Variants in CCDC141 observed in about 807,000 individuals in gnomAD.
The protein encoded by CCDC141 is coiled-coil domain-containing protein 141.
In CCDC141, 168 loss-of-function variants were observed where a neutral mutation model predicts 181.0. The observed-to-expected ratio is 0.93, with a 90% CI of 0.82 to 1.05. CCDC141 has a LOEUF of 1.05. Among genes scored for constraint, CCDC141 ranks in the 50% least tolerant of loss-of-function variants. The probability of loss-of-function intolerance (pLI) is 0.00; values close to 1 mark genes in which losing one functional copy is unlikely to be tolerated. For missense variants in CCDC141, 1,902 were observed against 1,788.5 expected (o/e 1.06, Z -1.14); for synonymous variants, 666 against 642.3 (o/e 1.04, Z -0.56).
chr2:178,903,410 T>C (rs1356365369), intron 8 of CCDC141, among the ~76,000 whole-genome samples: 10 of 152,044 alleles, frequency 6.6e-5, no homozygotes, highest in Admixed American at 6.6e-4. Flanking sequence ...ATATACACCA[T>C]GGAATACTAT....
At chr2:179,003,769 T>A (rs75766230) in intron 2 of CCDC141, among the ~76,000 whole-genome samples, 2,720 of 152,296 alleles carry the variant, frequency 0.018, 32 homozygotes, top group Admixed American at 0.035. Context: ...TCAGAAATGA[T>A]GAAAGTTCAA....
intron 21 of CCDC141, among the ~76,000 whole-genome samples, chr2:178,847,458 G>T (rs563698405): frequency 6.6e-6 from 1 of 152,148 alleles, no homozygotes; most frequent in Non-Finnish European, 1.5e-5. Flanking sequence ...TTGAGCCTGG[G>T]AAGTCGAGGC....
At chr2:179,040,094 A>G (rs2043254651) in intron 2 of CCDC141, among the ~76,000 whole-genome samples, 1 of 152,196 alleles carries the variant, frequency 6.6e-6, no homozygotes. Context: ...GGTTATGGCT[A>G]GAGGTCCAGA....
intron 2 of CCDC141, among the ~76,000 whole-genome samples, chr2:179,015,934 CAT>C (rs940855093): frequency 2.1e-5 from 3 of 139,714 alleles, no homozygotes; most frequent in Non-Finnish European, 4.7e-5. Context: ...CATATAATTT[CAT>C]ATATATCATA....
intron 2 of CCDC141, among the ~76,000 whole-genome samples, chr2:179,028,507 T>G (rs895734465): frequency 5.9e-5 from 9 of 152,208 alleles, no homozygotes; most frequent in African/African-American, 1.9e-4. Context: ...GAAACTATTT[T>G]AGCAAATTAT....
rs1297269963 is a variant in CCDC141 at position 178,884,887 on chromosome 2, A to C, written c.1719+14T>G. ...GGCCACCTTGCTGAAGAAGGTTAAC[A>C]CATAGTACCATACCTCCTCTGATGA... On this transcript the variant is annotated intron_variant, in intron 11 of 23. Transcript: ENST00000443758. The C allele has an allele frequency of 6.5e-7, 1 of 1,547,466 alleles. No homozygotes were observed. Among genetic ancestry groups the C allele is most frequent in the East Asian group, 2.4e-5 (1 of 40,866 alleles).
chr2:178,919,020 A>C, intron 6 of CCDC141, 113 bp from the exon 7 acceptor site: 1 of 975,234 alleles, frequency 1.0e-6, no homozygotes, highest in Non-Finnish European at 1.5e-6. Flanking sequence ...TGATATTAGG[A>C]AGTAGGGCTT....
At chr2:178,988,019 C>T (rs1490522720) in intron 2 of CCDC141, among the ~76,000 whole-genome samples, 4 of 151,586 alleles carry the variant, frequency 2.6e-5, no homozygotes, top group Admixed American at 2.0e-4. Flanking sequence ...CACATGCACA[C>T]GTATGTTTAC....
chr2:178,855,050 T>A (rs1443868013), intron 19 of CCDC141, among the ~76,000 whole-genome samples: 2 of 152,212 alleles, frequency 1.3e-5, no homozygotes, highest in Non-Finnish European at 2.9e-5. Flanking sequence ...TCATGATAAT[T>A]AAACATCTTC....
At chr2:178,855,190 C>T (rs1685329318) in intron 19 of CCDC141, among the ~76,000 whole-genome samples, 157 bp downstream of exon 19, 1 of 152,060 alleles carries the variant, frequency 6.6e-6, no homozygotes. Context: ...TCCAGCAATT[C>T]TATTTCAGAG....
chr2:178,908,141 G>A (rs895525600), intron 7 of CCDC141, among the ~76,000 whole-genome samples: 1 of 152,098 alleles, frequency 6.6e-6, no homozygotes, highest in Non-Finnish European at 1.5e-5. Context: ...TTTAAAATTT[G>A]TATTACTTAT....
At chr2:178,917,720 G>A (rs1426058704) in intron 7 of CCDC141, among the ~76,000 whole-genome samples, 1 of 152,226 alleles carries the variant, frequency 6.6e-6, no homozygotes, top group African/African-American at 2.4e-5. Flanking sequence ...CTCAAGTGAT[G>A]TGAACAGGTG....
intron 5 of CCDC141, among the ~76,000 whole-genome samples, chr2:178,950,617 T>G (rs1372770176): frequency 6.6e-6 from 1 of 152,184 alleles, no homozygotes; most frequent in Non-Finnish European, 1.5e-5. Flanking sequence ...ATTGGCCTGT[T>G]ATTATTTGGA....
chr2:178,936,631 G>T (rs1233190567), intron 6 of CCDC141, among the ~76,000 whole-genome samples: 1 of 152,110 alleles, frequency 6.6e-6, no homozygotes, highest in Non-Finnish European at 1.5e-5. Context: ...GGTCTGTGAA[G>T]AATGTCATTG....
chr2:178,836,876 T>G lies in CCDC141; in HGVS notation c.4325+18A>C, dbSNP rs765507614. On this transcript the variant is annotated intron_variant, in intron 23 of 23. Coordinates refer to ENST00000443758, the MANE Select transcript of CCDC141 (RefSeq NM_173648.4). ...TGAATTTGTTTCCATTTATGGCTTG[T>G]CATTATAGGCTACCCACCATGTCAG... is the stretch of plus-strand genomic sequence containing the variant. 1 of 1,583,842 alleles carries G rather than the reference T, an allele frequency of 6.3e-7. No homozygotes were observed.
At chr2:179,021,721 A>T (rs2042696483) in intron 2 of CCDC141, among the ~76,000 whole-genome samples, 1 of 152,228 alleles carries the variant, frequency 6.6e-6, no homozygotes, top group Admixed American at 6.5e-5. Flanking sequence ...ATTTGGATTT[A>T]AAAAATAAGG....
chr2:178,955,352 T>C (rs1690116587), intron 5 of CCDC141, among the ~76,000 whole-genome samples: 1 of 152,098 alleles, frequency 6.6e-6, no homozygotes, highest in Non-Finnish European at 1.5e-5. Context: ...TCAGGTGAGA[T>C]AATTTGTGCT....
chr2:178,850,072 TG>T lies in CCDC141; in HGVS notation c.3333del (p.Thr1112GlnfsTer7), dbSNP rs1449842013. The T allele has an allele frequency of 1.2e-6, 2 of 1,601,536 alleles. No homozygotes were observed. The highest frequency in any genetic ancestry group is 1.7e-6 in the Non-Finnish European group (2 of 1,171,304). On this transcript the variant is annotated frameshift_variant, in exon 21 of 24. Coordinates refer to ENST00000443758, the MANE Select transcript of CCDC141 (RefSeq NM_173648.4). LOFTEE classifies it high-confidence loss of function. The stretch of plus-strand genomic sequence containing the variant: ...ACCTTCAGTTTTTCTTCGAGCTCTG[TG>T]AGGGACTCACATAATTCAGTCACAG... ...LESVTELCES[L>X]TELEEKLKQG...
chr2:178,845,482 G>T, intron 22 of CCDC141, 144 bp downstream of exon 22: 1 of 602,534 alleles, frequency 1.7e-6, no homozygotes, highest in Non-Finnish European at 3.0e-6. Flanking sequence ...AAGCAAGGGA[G>T]GAGGAAACTC....
Sources: allele counts gnomAD v4.1 joint callset (sites outside exome capture counted in the v4.1 genomes callset), GRCh38; gene constraint gnomAD v4.1.1; transcripts MANE v1.5; gene names NCBI Gene and HGNC (gene_info 2026-07-23, HGNC 2026-07-21).